The following LARP4 variants were observed in gnomAD, a reference collection of about 807,000 sequenced individuals.
LARP4 encodes la-related protein 4.
LARP4 carries 29 observed loss-of-function variants against 92.9 expected under a neutral mutation model. The observed-to-expected ratio is 0.31, with a 90% CI of 0.23 to 0.43. The LOEUF is 0.43. Ranked by LOEUF, LARP4 falls within the 20% of genes least tolerant of loss-of-function variation. The pLI is 1.00. For synonymous variants in LARP4, 279 were observed against 284.1 expected (o/e 0.98, Z 0.18); for missense variants, 732 against 860.0 (o/e 0.85, Z 1.86).
intron 1 of LARP4, among the ~76,000 whole-genome samples, chr12:50,426,632 C>T (rs1948741552): frequency 6.7e-6 from 1 of 150,192 alleles, no homozygotes; most frequent in Admixed American, 6.6e-5. Flanking sequence ...GGCTCAGCCC[C>T]TGCTCTCAAG....
chr12:50,459,447 G>A (rs1220574811), intron 10 of LARP4, among the ~76,000 whole-genome samples: 2 of 152,116 alleles, frequency 1.3e-5, no homozygotes, highest in Non-Finnish European at 2.9e-5. Flanking sequence ...TGTAATGTAT[G>A]TATCTGTGCT....
rs1197629995 is a variant in LARP4 at position 50,479,348 on chromosome 12, A to G, written c.*3484A>G. ...AGTGTATTCCTTCTGAGGGGCTTTTATAAATTATTAACTATAATATATGAT... is the reference window on the plus strand; with the variant it reads ...AGTGTATTCCTTCTGAGGGGCTTTTGTAAATTATTAACTATAATATATGAT... On this transcript the variant is annotated 3_prime_UTR_variant, in exon 16 of 16. Transcript: ENST00000398473. 6.6e-6 allele frequency: 1 copy of G among 152,404 alleles called. No homozygotes were observed. The highest frequency in any genetic ancestry group is 2.4e-5 in the African/African-American group (1 of 41,476). 9.4% of individuals were successfully genotyped at this position (152,404 alleles called of 1,614,324 possible).
chr12:50,459,135 A>G (rs929664139), intron 10 of LARP4, among the ~76,000 whole-genome samples: 5 of 152,084 alleles, frequency 3.3e-5, no homozygotes, highest in African/African-American at 9.7e-5. Flanking sequence ...AATAGCTGGG[A>G]TTACAGGTGT....
chr12:50,443,321 A>C (rs1021055165), intron 8 of LARP4, among the ~76,000 whole-genome samples: 1 of 152,040 alleles, frequency 6.6e-6, no homozygotes, highest in Non-Finnish European at 1.5e-5. Flanking sequence ...CCTAGGCTCG[A>C]GTGCAGGGGC....
At chr12:50,426,699 G>GA (rs1948786485) in intron 1 of LARP4, among the ~76,000 whole-genome samples, 5 of 128,214 alleles carry the variant, frequency 3.9e-5, no homozygotes, top group African/African-American at 1.6e-4. Context: ...GTGTGTGTGT[G>GA]TGTGTGTGTG....
chr12:50,458,926 A>C (rs560105661), intron 10 of LARP4, among the ~76,000 whole-genome samples: 2 of 152,116 alleles, frequency 1.3e-5, no homozygotes, highest in African/African-American at 4.8e-5. Flanking sequence ...GTATTTTCCT[A>C]GTTTGCTGTC....
rs568365978 is a variant in LARP4, at chr12:50,454,078, T to C, written c.1018-236T>C. 2.6e-5 allele frequency among the ~76,000 whole-genome samples: 4 copies of C among 152,346 alleles called. No individual in the cohort carries two copies. In the East Asian group the frequency reaches 5.8e-4, roughly 22 times the overall value. Reference sequence around the variant, plus strand: ...AAGAGACTGGATAACTTTTGCGTGATTTTAAATGCATTTTAGTGTTGCGAA... The same window carrying C: ...AAGAGACTGGATAACTTTTGCGTGACTTTAAATGCATTTTAGTGTTGCGAA... On this transcript the variant is annotated intron_variant, in intron 9 of 15. Coordinates refer to ENST00000398473, the MANE Select transcript of LARP4 (RefSeq NM_052879.5).
At chr12:50,407,199 T>A (rs1036607890) in intron 1 of LARP4, among the ~76,000 whole-genome samples, 1 of 152,046 alleles carries the variant, frequency 6.6e-6, no homozygotes, top group African/African-American at 2.4e-5. Context: ...CTATTTTTTG[T>A]ATTTTTAGTA....
At chr12:50,467,764 TC>T (rs761484873) in intron 13 of LARP4, among the ~76,000 whole-genome samples, 7 of 152,328 alleles carry the variant, frequency 4.6e-5, no homozygotes, top group Admixed American at 3.3e-4. Flanking sequence ...CTGAGATGCC[TC>T]ATCTTATGAT....
rs1338896464 is a variant in LARP4 at position 50,429,072 on chromosome 12, C to G, written c.304C>G (p.Gln102Glu). 3.1e-6 allele frequency: 5 copies of G among 1,611,622 alleles called. No homozygotes were observed. Among genetic ancestry groups the G allele is most frequent in the Non-Finnish European group, 4.2e-6 (5 of 1,179,078 alleles). ...MILGPEDLSY[Q>E]IYDVSGESNS... is the part of the protein sequence containing the mutation. ...TTTAGGACCAGAAGATCTGAGTTAC[C>G]AAATATATGATGTTTCCGGTAAACT... Residue 102 changes from glutamine (Q) to glutamate (E), a missense_variant, in exon 3 of 16, where the codon CAA becomes GAA. Transcript: ENST00000398473.
Position 50,421,145 on chromosome 12 carries a change from C to T in LARP4, c.19-6617C>T, listed in dbSNP as rs375954543. On this transcript the variant is annotated intron_variant, in intron 1 of 15. Coordinates refer to ENST00000398473, the MANE Select transcript of LARP4 (RefSeq NM_052879.5). ...TTGTATTTTTTAGTAGAGACGGTTT[C>T]GCTGTATGTTGGCTAGGCTGGTCTC... 3.3e-3 allele frequency: 614 copies of T among 188,286 alleles called. 4 individuals are homozygous for T. The highest frequency in any genetic ancestry group is 0.014 in the African/African-American group (565 of 41,458). The allele number at this position is 188,286 out of a possible 1,614,324, so 11.7% of individuals were successfully genotyped here. A position where few individuals can be genotyped will look rare whatever the true frequency, so the allele number is the denominator to read the frequency against.
At position 50,476,456 on chromosome 12, in the gene LARP4, GAATGT is replaced by G. The variant is rs1367470095; in HGVS notation, c.*596_*600del. On this transcript the variant is annotated 3_prime_UTR_variant, in exon 16 of 16. Coordinates refer to ENST00000398473, the MANE Select transcript of LARP4 (RefSeq NM_052879.5). ...CATGTTAGTAAATGATTTGAAAACT[GAATGT>G]AATACTTGAGTAGATTTTTTTTTCT... 6.6e-6 allele frequency: 1 copy of G among 152,508 alleles called. No homozygotes were observed. 9.4% of individuals were successfully genotyped at this position (152,508 alleles called of 1,614,324 possible). A position where few individuals can be genotyped will look rare whatever the true frequency, so the allele number is the denominator to read the frequency against.
chr12:50,450,446 G>A (rs183109655), intron 8 of LARP4, among the ~76,000 whole-genome samples: 13 of 152,256 alleles, frequency 8.5e-5, no homozygotes, highest in Admixed American at 8.5e-4. Context: ...AGACAGAGCT[G>A]TTTAGTTTTT....
chr12:50,425,156 G>GA (rs538352090), intron 1 of LARP4, among the ~76,000 whole-genome samples: 32 of 147,006 alleles, frequency 2.2e-4, no homozygotes, highest in Admixed American at 3.4e-4. Context: ...CAAAAAGGAA[G>GA]AAAAAAAAAA....
In LARP4 at chr12:50,400,971, G is replaced by T. The variant is rs1943698299; in HGVS notation, c.-40G>T. The T allele has an allele frequency of 6.2e-7, 1 of 1,614,168 alleles. No homozygotes were observed. Among genetic ancestry groups the T allele is most frequent in the East Asian group, 2.2e-5 (1 of 44,872 alleles). On this transcript the variant is annotated 5_prime_UTR_variant, in exon 1 of 16. Coordinates refer to ENST00000398473, the MANE Select transcript of LARP4 (RefSeq NM_052879.5). ...GGCGCGGGCCTGTGAGCCAGTTGGAGTTGCGGCGGCGGGAACGATTGGGCT... is the reference window on the plus strand; with the variant it reads ...GGCGCGGGCCTGTGAGCCAGTTGGATTTGCGGCGGCGGGAACGATTGGGCT...
At chr12:50,467,166 G>A (rs1770993765) in intron 13 of LARP4, 46 bp downstream of exon 13, 1 of 1,463,212 alleles carries the variant, frequency 6.8e-7, no homozygotes, top group Non-Finnish European at 9.3e-7. Flanking sequence ...CCATATTTAG[G>A]CTTTATTTGC....
chr12:50,423,610 G>A (rs1297403369), intron 1 of LARP4, among the ~76,000 whole-genome samples: 8 of 151,546 alleles, frequency 5.3e-5, no homozygotes, highest in Non-Finnish European at 8.8e-5. Flanking sequence ...CACCACGCCC[G>A]GCTAATGTTT....
intron 11 of LARP4, 39 bp from the exon 12 acceptor site, chr12:50,462,543 C>CA: frequency 2.9e-6 from 3 of 1,044,726 alleles, no homozygotes; most frequent in Non-Finnish European, 2.9e-6. Context: ...TGACTTGTCC[C>CA]TCCACCCCAC....
chr12:50,425,267 A>G (rs1180890107), intron 1 of LARP4, among the ~76,000 whole-genome samples: 1 of 152,128 alleles, frequency 6.6e-6, no homozygotes, highest in Non-Finnish European at 1.5e-5. Flanking sequence ...TGGCCCTTTC[A>G]CTGTATCTTT....
Sources: gnomAD v4.1 joint callset for allele counts (sites outside exome capture counted in the v4.1 genomes callset) on GRCh38, gnomAD v4.1.1 for gene constraint, MANE v1.5 for transcripts, NCBI Gene and HGNC (gene_info 2026-07-23, HGNC 2026-07-21) for gene names.